PPP1R1C: variants seen among roughly 807,000 people sequenced by gnomAD.
PPP1R1C encodes the protein protein phosphatase 1 regulatory inhibitor subunit 1C, also known as protein phosphatase 1 regulatory subunit 1C.
Under a neutral mutation model 17.4 loss-of-function variants are expected in PPP1R1C, and 15 were observed. The ratio of observed to expected loss-of-function variants is 0.86; its 90% CI spans 0.58 to 1.33. PPP1R1C has a LOEUF of 1.33. PPP1R1C is among the 40% of genes most tolerant of loss of function. The probability of loss-of-function intolerance (pLI) is 0.00; values close to 1 mark genes in which losing one functional copy is unlikely to be tolerated. For missense variants in PPP1R1C, 143 were observed against 130.0 expected, an observed-to-expected ratio of 1.10 and a Z score of -0.48; for synonymous variants, 35 against 43.1, an observed-to-expected ratio of 0.81 and a Z score of 0.73.
intron 2 of PPP1R1C, among the ~76,000 whole-genome samples, chr2:182,017,559 G>A (rs928292566): frequency 6.6e-6 from 1 of 152,086 alleles, no homozygotes; most frequent in Non-Finnish European, 1.5e-5. Flanking sequence ...AACATTTAAA[G>A]AATATAGGGG....
intron 2 of PPP1R1C, among the ~76,000 whole-genome samples, chr2:182,057,154 G>A (rs1401634247): frequency 1.3e-5 from 2 of 152,152 alleles, no homozygotes; most frequent in Non-Finnish European, 2.9e-5. Context: ...GGTTGTTATT[G>A]TGTGTCAGCT....
chr2:182,095,970 G>T (rs115379809), intron 4 of PPP1R1C, among the ~76,000 whole-genome samples: 6,742 of 148,312 alleles, frequency 0.045, 509 homozygotes, highest in African/African-American at 0.16. Context: ...GCAGGACTCT[G>T]TCTCAGACAC....
chr2:182,039,744 A>T (rs1687124674), intron 2 of PPP1R1C, among the ~76,000 whole-genome samples: 1 of 152,094 alleles, frequency 6.6e-6, no homozygotes, highest in Admixed American at 6.6e-5. Flanking sequence ...ATTTTAGTGC[A>T]TTTGACATCT....
intron 4 of PPP1R1C, among the ~76,000 whole-genome samples, chr2:182,070,100 T>G (rs1008150071): frequency 1.3e-5 from 2 of 152,146 alleles, no homozygotes; most frequent in African/African-American, 4.8e-5. Flanking sequence ...CAAAGACATC[T>G]GGAGATGGGA....
intron 2 of PPP1R1C, among the ~76,000 whole-genome samples, chr2:182,060,929 G>A (rs553449146): frequency 1.1e-4 from 16 of 152,218 alleles, no homozygotes; most frequent in African/African-American, 3.6e-4. Flanking sequence ...AGCCACCCAA[G>A]CACTGTCATA....
chr2:182,058,010 A>G (rs973755189), intron 2 of PPP1R1C, among the ~76,000 whole-genome samples: 1 of 152,134 alleles, frequency 6.6e-6, no homozygotes, highest in African/African-American at 2.4e-5. Flanking sequence ...CCTTCTTCAC[A>G]CACAGTTTCC....
At chr2:182,028,440 T>C (rs528864745) in intron 2 of PPP1R1C, among the ~76,000 whole-genome samples, 9 of 152,074 alleles carry the variant, frequency 5.9e-5, no homozygotes, top group Admixed American at 5.9e-4. Flanking sequence ...TCAAAGAACA[T>C]CTTTATTTCT....
At chr2:182,005,364 C>T (rs2125151976) in intron 2 of PPP1R1C, among the ~76,000 whole-genome samples, 1 of 152,320 alleles carries the variant, frequency 6.6e-6, no homozygotes, top group Non-Finnish European at 1.5e-5. Context: ...CTGACAACTG[C>T]TCCACATATA....
downstream of PPP1R1C, among the ~76,000 whole-genome samples, chr2:182,120,514 A>G (rs954266030): frequency 6.6e-6 from 1 of 152,156 alleles, no homozygotes; most frequent in African/African-American, 2.4e-5. Context: ...GTTAAGCCAA[A>G]ACTTTCTGGA....
intron 4 of PPP1R1C, among the ~76,000 whole-genome samples, chr2:182,090,318 A>AGTGTGTGTGTGT (rs1559088788): frequency 1.4e-4 from 15 of 104,512 alleles, no homozygotes; most frequent in African/African-American, 6.9e-4. Flanking sequence ...TGTGTGTGTC[A>AGTGTGTGTGTGT]GAGAGAGACA....
chr2:182,123,176 C>T (rs886718701), intron 5 of PPP1R1C, among the ~76,000 whole-genome samples: 1 of 152,184 alleles, frequency 6.6e-6, no homozygotes, highest in African/African-American at 2.4e-5. Context: ...CTGCAAAGGA[C>T]AAGAACTCAT....
At chr2:182,082,402 G>C (rs1032446396) in intron 4 of PPP1R1C, among the ~76,000 whole-genome samples, 1 of 152,092 alleles carries the variant, frequency 6.6e-6, no homozygotes, top group African/African-American at 2.4e-5. Flanking sequence ...ATGGGACATC[G>C]TCTCTAAAGC....
chr2:182,098,583 C>T lies in PPP1R1C; in HGVS notation c.242-18624C>T, dbSNP rs183103043. Among the ~76,000 whole-genome samples the T allele has an allele frequency of 1.0e-3, 155 of 152,104 alleles. 1 individual carries two copies. The highest frequency in any genetic ancestry group is 3.1e-3 in the African/African-American group (129 of 41,482). ...ATGTGATTCTAATAATCTACTTCTT[C>T]GACAGATGTAATCTGTCTCCCTACA... is the stretch of plus-strand genomic sequence containing the variant. On this transcript the variant is annotated intron_variant, in intron 4 of 4. Transcript: ENST00000682840.
At chr2:182,099,322 A>T (rs1689033128) in intron 4 of PPP1R1C, among the ~76,000 whole-genome samples, 2 of 152,208 alleles carry the variant, frequency 1.3e-5, no homozygotes, top group Non-Finnish European at 2.9e-5. Context: ...AAGGGAATCG[A>T]CTTTGGGTTG....
At chr2:182,036,804 T>C (rs1056073616) in intron 2 of PPP1R1C, among the ~76,000 whole-genome samples, 1 of 152,174 alleles carries the variant, frequency 6.6e-6, no homozygotes, top group Non-Finnish European at 1.5e-5. Flanking sequence ...ATAATACATG[T>C]ACTATTAAAT....
intron 2 of PPP1R1C, among the ~76,000 whole-genome samples, chr2:182,029,367 T>C (rs1210769445): frequency 6.6e-6 from 1 of 152,208 alleles, no homozygotes; most frequent in East Asian, 1.9e-4. Flanking sequence ...TTCCTTTCCA[T>C]GTTTAGCACT....
At chr2:182,080,296 C>T (rs1413911393) in intron 4 of PPP1R1C, among the ~76,000 whole-genome samples, 1 of 152,178 alleles carries the variant, frequency 6.6e-6, no homozygotes, top group East Asian at 1.9e-4. Flanking sequence ...TTATGTTCAT[C>T]CCCAAACGAA....
intron 3 of PPP1R1C, among the ~76,000 whole-genome samples, chr2:182,062,354 A>G (rs1333440995): frequency 6.6e-6 from 1 of 152,142 alleles, no homozygotes; most frequent in Non-Finnish European, 1.5e-5. Context: ...AACAACAACA[A>G]TAAAAAAATT....
intron 5 of PPP1R1C, among the ~76,000 whole-genome samples, chr2:182,124,959 C>T (rs534246811): frequency 2.4e-4 from 37 of 152,098 alleles, no homozygotes; most frequent in Non-Finnish European, 4.6e-4. Context: ...AGGGGGCATC[C>T]TTGTCTTGCA....
Sources: gnomAD v4.1 joint callset for allele counts (sites outside exome capture counted in the v4.1 genomes callset) on GRCh38, gnomAD v4.1.1 for gene constraint, MANE v1.5 for transcripts, NCBI Gene and HGNC (gene_info 2026-07-23, HGNC 2026-07-21) for gene names.